SHTN1: variants seen among roughly 807,000 people sequenced by gnomAD.
SHTN1 encodes the protein shootin-1.
A neutral mutation model predicts 83.1 loss-of-function variants in SHTN1; 42 were observed. The ratio of observed to expected loss-of-function variants is 0.51; its 90% CI spans 0.39 to 0.65. The LOEUF is 0.65. Among genes scored for constraint, SHTN1 ranks in the 30% least tolerant of loss-of-function variants. The pLI is 0.00. For missense variants in SHTN1, 622 were observed against 737.8 expected (o/e 0.84, Z 1.82); for synonymous variants, 224 against 247.7 (o/e 0.90, Z 0.90).
chr10:117,080,818 C>T (rs1458087522), intron 1 of SHTN1, among the ~76,000 whole-genome samples: 1 of 137,904 alleles, frequency 7.3e-6, no homozygotes, highest in Non-Finnish European at 1.6e-5. Flanking sequence ...TGGGAGTTCA[C>T]TCATGATTTG....
chr10:116,881,508 T>A lies in SHTN1; in HGVS notation c.*4836A>T. The A allele has an allele frequency of 6.5e-7, 1 of 1,533,252 alleles. No homozygotes were observed. Among genetic ancestry groups the A allele is most frequent in the Non-Finnish European group, 8.8e-7 (1 of 1,140,384 alleles). The allele number at this position is 1,533,252 out of a possible 1,614,324, so 95.0% of individuals were successfully genotyped here. A position where few individuals can be genotyped will look rare whatever the true frequency, so the allele number is the denominator to read the frequency against. On this transcript the variant is annotated 3_prime_UTR_variant, in exon 17 of 17. Coordinates refer to ENST00000355371, the MANE Select transcript of SHTN1 (RefSeq NM_001127211.3). ...TAGACAGTAAACTTTATTGTTACTTTAAATAGGTTTCAAAGAAGAACACAC... is the reference window on the plus strand; with the variant it reads ...TAGACAGTAAACTTTATTGTTACTTAAAATAGGTTTCAAAGAAGAACACAC...
chr10:116,911,560 G>C, intron 14 of SHTN1: 1 of 1,550,670 alleles, frequency 6.4e-7, no homozygotes, highest in Non-Finnish European at 8.7e-7. Flanking sequence ...CAATGACTTT[G>C]GTGAAAGTGT....
chr10:116,998,419 T>C (rs753501759), intron 1 of SHTN1, among the ~76,000 whole-genome samples: 8 of 152,068 alleles, frequency 5.3e-5, no homozygotes, highest in Non-Finnish European at 1.0e-4. Context: ...ACAAGATATT[T>C]TGAGAGAGAG....
chr10:117,082,835 C>T (rs796204786), intron 1 of SHTN1, among the ~76,000 whole-genome samples: 2,064 of 148,136 alleles, frequency 0.014, 37 homozygotes, highest in East Asian at 0.056. Context: ...TAAAGTCTGT[C>T]TTATCAGAGA....
At chr10:116,896,232 A>C (rs1847513854) in intron 16 of SHTN1, among the ~76,000 whole-genome samples, 1 of 152,238 alleles carries the variant, frequency 6.6e-6, no homozygotes, top group African/African-American at 2.4e-5. Flanking sequence ...TTCTGTTGAT[A>C]ATAGAGTTAA....
chr10:116,911,683 G>T, intron 14 of SHTN1, 107 bp downstream of exon 14: 3 of 1,580,176 alleles, frequency 1.9e-6, no homozygotes, highest in Non-Finnish European at 2.6e-6. Flanking sequence ...GAGGCTAATT[G>T]TAAATGGGAA....
intron 16 of SHTN1, among the ~76,000 whole-genome samples, chr10:116,890,560 A>G (rs901141454): frequency 5.9e-5 from 9 of 152,244 alleles, no homozygotes; most frequent in Non-Finnish European, 8.8e-5. Context: ...GGGTCATATT[A>G]GACTATGTGC....
rs1440120958 is a variant in SHTN1, at chr10:116,881,572, A to G, written c.*4772T>C. On this transcript the variant is annotated 3_prime_UTR_variant, in exon 17 of 17. Transcript: ENST00000355371. ...AATGAGGAAGCTGAAAAGGCTGCGG[A>G]GGCACTTGAGGCTGCTGCGGCTAGG... is the stretch of plus-strand genomic sequence containing the variant. 3.2e-6 allele frequency: 5 copies of G among 1,550,338 alleles called. No homozygotes were observed. The East Asian group carries it at 1.2e-4, about 38-fold the overall frequency.
chr10:117,054,734 C>A (rs1852803294), intron 1 of SHTN1, among the ~76,000 whole-genome samples: 1 of 152,042 alleles, frequency 6.6e-6, no homozygotes, highest in African/African-American at 2.4e-5. Context: ...TTAAATATTT[C>A]TTTCTGCTGA....
At chr10:116,982,410 T>A (rs926003806) in intron 1 of SHTN1, among the ~76,000 whole-genome samples, 2 of 152,076 alleles carry the variant, frequency 1.3e-5, no homozygotes, top group Non-Finnish European at 2.9e-5. Context: ...AAACAACACA[T>A]ACACAGACAT....
At chr10:116,944,845 T>A in intron 8 of SHTN1, 79 bp downstream of exon 8, 1 of 859,394 alleles carries the variant, frequency 1.2e-6, no homozygotes, top group Non-Finnish European at 1.9e-6. Context: ...GAGCCGAGAT[T>A]GCGCCACTGC....
Position 116,884,953 on chromosome 10 carries a change from G to A in SHTN1, c.*1391C>T, listed in dbSNP as rs1031631835. The A allele has an allele frequency of 4.6e-5, 7 of 152,146 alleles. No individual in the cohort carries two copies. Among genetic ancestry groups the A allele is most frequent in the South Asian group, 2.1e-4 (1 of 4,826 alleles). 9.4% of individuals were successfully genotyped at this position (152,146 alleles called of 1,614,324 possible). ...GAAAGATACAGTTGAAAAACATTAC[G>A]TTTTAATTCTCCATGAGTAAAGTGA... On this transcript the variant is annotated 3_prime_UTR_variant, in exon 17 of 17. Transcript: ENST00000355371.
At chr10:116,962,622 A>T (rs1247208801) in intron 3 of SHTN1, among the ~76,000 whole-genome samples, 1 of 152,160 alleles carries the variant, frequency 6.6e-6, no homozygotes, top group African/African-American at 2.4e-5. Context: ...GGCCTAGCAA[A>T]TAGGAAACAA....
intron 2 of SHTN1, among the ~76,000 whole-genome samples, chr10:117,043,235 G>T (rs1048566237): frequency 2.5e-4 from 38 of 151,870 alleles, no homozygotes; most frequent in African/African-American, 8.7e-4. Context: ...CCAGGTTCGC[G>T]CCATTCTCCT....
intron 16 of SHTN1, 104 bp downstream of exon 16, chr10:116,901,661 C>A: frequency 7.4e-7 from 1 of 1,355,736 alleles, no homozygotes; most frequent in Non-Finnish European, 9.5e-7. Context: ...AATTTACCGG[C>A]GAGCCAATCA....
rs202216340 is a variant in SHTN1 at position 117,117,827 on chromosome 10, T to C, written c.-189+8480A>G. ...TCTTCAATAAACAGTGCTGGGGAAA[T>C]TGAGTAACCATATGCGGCCAAATGA... On this transcript the variant is annotated intron_variant, in intron 1 of 17. Coordinates refer to the SHTN1 transcript ENST00000392901. 2.0e-5 allele frequency among the ~76,000 whole-genome samples: 3 copies of C among 152,046 alleles called. No individual in the cohort carries two copies. In the South Asian group the frequency reaches 6.2e-4, roughly 32 times the overall value.
At chr10:117,111,043 C>T (rs1046378439) in intron 1 of SHTN1, among the ~76,000 whole-genome samples, 1 of 151,848 alleles carries the variant, frequency 6.6e-6, no homozygotes, top group African/African-American at 2.4e-5. Context: ...ACTAAAATTA[C>T]AAAAATTAGC....
chr10:116,887,658 C>T (rs139709911), intron 16 of SHTN1, among the ~76,000 whole-genome samples: 9 of 152,322 alleles, frequency 5.9e-5, no homozygotes, highest in Non-Finnish European at 1.2e-4. Flanking sequence ...CCTAATACCT[C>T]TCCCTTGTTG....
intron 1 of SHTN1, among the ~76,000 whole-genome samples, chr10:117,082,971 G>A (rs1040306746): frequency 2.0e-5 from 3 of 150,384 alleles, no homozygotes; most frequent in Non-Finnish European, 3.0e-5. Context: ...CACACTGATG[G>A]GTCTTGACTC....
Sources: allele counts gnomAD v4.1 joint callset (sites outside exome capture counted in the v4.1 genomes callset), GRCh38; gene constraint gnomAD v4.1.1; transcripts MANE v1.5; gene names NCBI Gene and HGNC (gene_info 2026-07-23, HGNC 2026-07-21).